Variants in DPH6 observed in about 807,000 individuals in gnomAD.
The protein encoded by DPH6 is diphthamine biosynthesis 6, also known as diphthine--ammonia ligase.
Under a neutral mutation model 38.2 loss-of-function variants are expected in DPH6, and 33 were observed. The ratio of observed to expected loss-of-function variants is 0.86; its 90% confidence interval spans 0.65 to 1.15. The LOEUF is 1.15. Among genes scored for constraint, DPH6 ranks in the 50% most tolerant of loss-of-function variants. The pLI is 0.00. For synonymous variants in DPH6, 108 were observed against 103.0 expected (o/e 1.05, Z -0.30); for missense variants, 325 against 320.0 (o/e 1.02, Z -0.12).
At chr15:35,373,435 T>C in intron 8 of DPH6, 86 bp downstream of exon 8, 1 of 1,156,218 alleles carries the variant, frequency 8.6e-7, no homozygotes, top group East Asian at 2.7e-5. Flanking sequence ...TTTCCTGTCA[T>C]CTGTTGTTAC....
At chr15:35,234,123 G>A (rs941086664) in intron 3 of DPH6, among the ~76,000 whole-genome samples, 1 of 152,172 alleles carries the variant, frequency 6.6e-6, no homozygotes, top group African/African-American at 2.4e-5. Flanking sequence ...TATTTGTTGA[G>A]TGAATGCATG....
At chr15:35,522,015 G>C in intron 3 of DPH6, 2 of 1,528,318 alleles carry the variant, frequency 1.3e-6, no homozygotes, top group Non-Finnish European at 1.8e-6. Flanking sequence ...TGAAAAACAG[G>C]GACAGATCAG....
At position 35,279,594 on chromosome 15, in the gene DPH6, C is replaced by A. The variant is rs985177278; in HGVS notation, n.201-59012G>T. ...AGACCTGGTTTAAAAGAGTGTGGCA[C>A]CTCCTCCACCCCTTGCTTCCTCTCT... is the stretch of plus-strand genomic sequence containing the variant. On this transcript the variant is annotated intron_variant and non_coding_transcript_variant, in intron 3 of 3. Transcript: ENST00000560386. 1.7e-4 allele frequency among the ~76,000 whole-genome samples: 26 copies of A among 152,008 alleles called. No homozygotes were observed. The East Asian group carries it at 4.7e-3, about 27-fold the overall frequency.
chr15:35,449,008 C>A (rs2053894505), intron 5 of DPH6, among the ~76,000 whole-genome samples: 1 of 67,566 alleles, frequency 1.5e-5, no homozygotes, highest in Non-Finnish European at 3.3e-5. Flanking sequence ...TGCTTAAATC[C>A]AAAAAAAGTC....
chr15:35,545,478 A>G (rs2055332676), intron 1 of DPH6, among the ~76,000 whole-genome samples: 1 of 152,248 alleles, frequency 6.6e-6, no homozygotes, highest in Non-Finnish European at 1.5e-5. Flanking sequence ...GCATAAGACT[A>G]GTACAATTCG....
intron 6 of DPH6, among the ~76,000 whole-genome samples, chr15:35,391,391 C>T (rs2053055204): frequency 6.6e-6 from 1 of 152,202 alleles, no homozygotes; most frequent in African/African-American, 2.4e-5. Context: ...ACATTTAAGT[C>T]TGCAGAGGTT....
At chr15:35,469,825 A>G (rs2054175292) in intron 3 of DPH6, among the ~76,000 whole-genome samples, 1 of 152,204 alleles carries the variant, frequency 6.6e-6, no homozygotes, top group Admixed American at 6.5e-5. Context: ...GAAAACATAT[A>G]AACTGAAAGA....
intron 5 of DPH6, among the ~76,000 whole-genome samples, chr15:35,431,148 A>G (rs188740998): frequency 1.8e-3 from 275 of 152,254 alleles, no homozygotes; most frequent in Non-Finnish European, 2.5e-3. Flanking sequence ...TCTTTGTCAA[A>G]CAGAAAAAGC....
chr15:35,328,908 T>C (rs2052306435), downstream of DPH6, among the ~76,000 whole-genome samples: 1 of 152,146 alleles, frequency 6.6e-6, no homozygotes, highest in African/African-American at 2.4e-5. Flanking sequence ...CCATCTTACA[T>C]GGATGGCAGC....
chr15:35,520,961 A>G lies in DPH6; in HGVS notation c.312+17313T>C, dbSNP rs945962468. ...CACCTTCTCTGAAATCAAAGTGCAG[A>G]ACTGTGAAAGTGTTACAAATTCTCC... On this transcript the variant is annotated intron_variant, in intron 3 of 8. Coordinates refer to ENST00000256538, the MANE Select transcript of DPH6 (RefSeq NM_080650.4). 12 of 985,156 alleles carry G rather than the reference A, an allele frequency of 1.2e-5. No individual in the cohort carries two copies. The Admixed American group carries it at 7.4e-4, about 61-fold the overall frequency. The allele number at this position is 985,156 out of a possible 1,614,324, so 61.0% of individuals were successfully genotyped here.
chr15:35,294,405 A>C (rs1331689391), intron 3 of DPH6, among the ~76,000 whole-genome samples: 1 of 152,192 alleles, frequency 6.6e-6, no homozygotes, highest in Non-Finnish European at 1.5e-5. Context: ...CTTTGCTTTC[A>C]GACAGTAGGT....
chr15:35,188,835 G>A, the DPH6 span, among the ~76,000 whole-genome samples: 1 of 151,464 alleles, frequency 6.6e-6, no homozygotes, highest in African/African-American at 2.4e-5. Context: ...AGTGAGCTGT[G>A]ACTGGCCACT....
the DPH6 span, among the ~76,000 whole-genome samples, chr15:35,147,589 G>A: frequency 6.6e-6 from 1 of 152,114 alleles, no homozygotes; most frequent in Non-Finnish European, 1.5e-5. Flanking sequence ...CATATATCCA[G>A]ACTTGTGAAA....
intron 6 of DPH6, among the ~76,000 whole-genome samples, chr15:35,389,223 T>C (rs1165451770): frequency 1.3e-5 from 2 of 152,188 alleles, no homozygotes; most frequent in African/African-American, 4.8e-5. Flanking sequence ...TTATAATTTC[T>C]GTTCTTTTAC....
chr15:35,389,198 C>A (rs1300731575), intron 6 of DPH6, among the ~76,000 whole-genome samples: 1 of 152,150 alleles, frequency 6.6e-6, no homozygotes, highest in Non-Finnish European at 1.5e-5. Flanking sequence ...GCACTGTGGT[C>A]TGAGAGACAG....
downstream of DPH6, among the ~76,000 whole-genome samples, chr15:35,366,455 C>T (rs1253525304): frequency 6.6e-6 from 1 of 151,852 alleles, no homozygotes; most frequent in East Asian, 1.9e-4. Context: ...AGCACTGAAA[C>T]TCACTATACT....
rs371323416 is a variant in DPH6 at position 35,295,546 on chromosome 15, A to G, written n.201-74964T>C. On this transcript the variant is annotated intron_variant and non_coding_transcript_variant, in intron 3 of 3. Coordinates refer to the DPH6 transcript ENST00000560386. ...CACTTTCATTGTCTTCCTCCATGCC[A>G]TTACTCCTGTCATCATCCTTGATGG... Among the ~76,000 whole-genome samples the G allele has an allele frequency of 4.6e-5, 7 of 152,296 alleles. No individual in the cohort carries two copies. The East Asian group carries it at 7.7e-4, about 17-fold the overall frequency.
chr15:35,384,932 A>C (rs559231867), intron 6 of DPH6, among the ~76,000 whole-genome samples: 2 of 152,278 alleles, frequency 1.3e-5, no homozygotes, highest in East Asian at 1.9e-4. Context: ...AAGAAAAAAA[A>C]CAACCCCATC....
At chr15:35,155,726 C>G in the DPH6 span, among the ~76,000 whole-genome samples, 2 of 152,190 alleles carry the variant, frequency 1.3e-5, no homozygotes, top group Non-Finnish European at 2.9e-5. Flanking sequence ...AAGATAACCA[C>G]AGATACAGTT....
Sources: allele counts gnomAD v4.1 joint callset (sites outside exome capture counted in the v4.1 genomes callset), GRCh38; gene constraint gnomAD v4.1.1; transcripts MANE v1.5; gene names NCBI Gene and HGNC (gene_info 2026-07-23, HGNC 2026-07-21).